ACAN: variants seen among roughly 807,000 people sequenced by gnomAD.
ACAN encodes the protein aggrecan core protein.
Under a neutral mutation model 169.1 loss-of-function variants are expected in ACAN, and 47 were observed. The observed-to-expected ratio is 0.28, with a 90% confidence interval of 0.22 to 0.35. The LOEUF is 0.35. Among genes scored for constraint, ACAN ranks in the 10% least tolerant of loss-of-function variants. ACAN has a pLI of 1.00. For synonymous variants in ACAN, 1,115 were observed against 1,112.2 expected (o/e 1.00, Z -0.05); for missense variants, 2,716 against 2,759.9 (o/e 0.98, Z 0.36).
intron 4 of ACAN, among the ~76,000 whole-genome samples, 153 bp downstream of exon 4, chr15:88,840,339 A>G (rs1896620854): frequency 6.6e-6 from 1 of 152,178 alleles, no homozygotes; most frequent in Non-Finnish European, 1.5e-5. Flanking sequence ...ACCTTGGCCA[A>G]ACAGCAGCTC....
chr15:88,820,495 C>T (rs1896049265), intron 1 of ACAN, among the ~76,000 whole-genome samples: 2 of 152,180 alleles, frequency 1.3e-5, no homozygotes, highest in Admixed American at 1.3e-4. Flanking sequence ...CAGAATCTGG[C>T]CCCACTTTGT....
chr15:88,873,596 C>T lies in ACAN; in HGVS notation c.7448-246C>T, dbSNP rs971536393. The T allele has an allele frequency of 3.7e-6, 2 of 544,386 alleles. No individual in the cohort carries two copies. The highest frequency in any genetic ancestry group is 3.8e-5 in the African/African-American group (2 of 53,186). The allele number at this position is 544,386 out of a possible 1,614,324, so 33.7% of individuals were successfully genotyped here. ...TCTCGCCCTCCACACCTTTCTACCT[C>T]CCTTTCATCTTCTCTTCATCCCTTT... On this transcript the variant is annotated intron_variant, in intron 17 of 18. Coordinates refer to ENST00000560601, the MANE Select transcript of ACAN (RefSeq NM_001369268.1). This position sits in a 1 kb window ranked among gnomAD's most constrained non-coding sequence, Gnocchi z 7.5.
At chr15:88,830,786 C>T (rs968777230) in intron 1 of ACAN, among the ~76,000 whole-genome samples, 1 of 152,278 alleles carries the variant, frequency 6.6e-6, no homozygotes, top group East Asian at 1.9e-4. Flanking sequence ...CATTATTGTA[C>T]ACTGGTGTAG....
chr15:88,821,256 C>G (rs2141517153), intron 1 of ACAN, among the ~76,000 whole-genome samples: 1 of 152,298 alleles, frequency 6.6e-6, no homozygotes, highest in East Asian at 1.9e-4. Context: ...CCTCCTACCT[C>G]AGCCTCCCGA....
At chr15:88,817,731 A>G (rs1329334163) in intron 1 of ACAN, among the ~76,000 whole-genome samples, 2 of 151,424 alleles carry the variant, frequency 1.3e-5, no homozygotes, top group African/African-American at 2.4e-5. Context: ...GTGCATGCCT[A>G]TAGTCCCAGC....
chr15:88,806,152 T>C (rs1355981277), intron 1 of ACAN, among the ~76,000 whole-genome samples: 3 of 152,134 alleles, frequency 2.0e-5, no homozygotes, highest in Non-Finnish European at 4.4e-5. Flanking sequence ...GAGAAAATCC[T>C]CCGATAAGAG....
At position 88,851,019 on chromosome 15, in the gene ACAN, G is replaced by A. The variant is rs1896918588; in HGVS notation, c.2027-775G>A. On this transcript the variant is annotated intron_variant, in intron 10 of 18. Transcript: ENST00000560601. The surrounding 1 kb of genome is among the most constrained non-coding windows in gnomAD (Gnocchi z 4.3). ...CCAATTCTCTCCCAGAGGCTTTGAT[G>A]AGGCTCTTGTCCCAGTGCCCCTTCC... 2 of 151,420 alleles carry A rather than the reference G, an allele frequency of 1.3e-5. No individual in the cohort carries two copies. Among genetic ancestry groups the A allele is most frequent in the Admixed American group, 6.6e-5 (1 of 15,200 alleles). The allele number at this position is 151,420 out of a possible 1,614,324, so 9.4% of individuals were successfully genotyped here. A position where few individuals can be genotyped will look rare whatever the true frequency, so the allele number is the denominator to read the frequency against.
chr15:88,829,491 A>G (rs967912774), intron 1 of ACAN, among the ~76,000 whole-genome samples: 2 of 152,144 alleles, frequency 1.3e-5, no homozygotes, highest in Non-Finnish European at 2.9e-5. Context: ...CTCTTGGTGT[A>G]GGGTCCCTGG....
intron 1 of ACAN, among the ~76,000 whole-genome samples, chr15:88,835,753 A>G (rs572163581): frequency 3.0e-4 from 46 of 152,354 alleles, no homozygotes; most frequent in African/African-American, 1.1e-3. Context: ...TCAGTCTTCA[A>G]CTGATTGGAC....
intron 1 of ACAN, among the ~76,000 whole-genome samples, chr15:88,815,656 T>TAAAAAAAA (rs58267198): frequency 6.6e-4 from 36 of 54,206 alleles, no homozygotes; most frequent in African/African-American, 2.9e-3. Context: ...CTGCACTGAT[T>TAAAAAAAA]AAAAAAAAAA....
At chr15:88,818,194 A>G (rs1267571792) in intron 1 of ACAN, among the ~76,000 whole-genome samples, 1 of 152,218 alleles carries the variant, frequency 6.6e-6, no homozygotes, top group Non-Finnish European at 1.5e-5. Flanking sequence ...CCCACAGTCT[A>G]GGTAGGAGAG....
intron 1 of ACAN, among the ~76,000 whole-genome samples, chr15:88,808,580 A>G (rs1490036862): frequency 6.6e-6 from 1 of 151,972 alleles, no homozygotes; most frequent in Non-Finnish European, 1.5e-5. Flanking sequence ...CCCGGGGAAC[A>G]TTTGGCCATG....
At chr15:88,810,926 C>T (rs2141490935) in intron 1 of ACAN, among the ~76,000 whole-genome samples, 1 of 152,330 alleles carries the variant, frequency 6.6e-6, no homozygotes, top group African/African-American at 2.4e-5. Context: ...GATCTTCTCT[C>T]TAGCCCTGCC....
In ACAN at chr15:88,857,564, C is replaced by A. The variant is rs1223935840; in HGVS notation, c.4979C>A (p.Ser1660Tyr). 6.2e-7 allele frequency: 1 copy of A among 1,613,936 alleles called. No homozygotes were observed. The highest frequency in any genetic ancestry group is 8.5e-7 in the Non-Finnish European group (1 of 1,179,892). ...CTTCCATCTGGATTCCCAACTGTTTCCCTAGTGGATTCTACATTGGTGGAA... is the reference window on the plus strand; with the variant it reads ...CTTCCATCTGGATTCCCAACTGTTTACCTAGTGGATTCTACATTGGTGGAA... Reference protein sequence around the residue: ...SGLPSGFPTVSLVDSTLVEVV... With the variant: ...SGLPSGFPTVYLVDSTLVEVV... Residue 1660 changes from serine to tyrosine, a missense_variant, in exon 12 of 19, where the codon TCC becomes TAC. Ser to Tyr is a moderately radical substitution (Grantham distance 144). Coordinates refer to ENST00000560601, the MANE Select transcript of ACAN (RefSeq NM_001369268.1).
At position 88,851,945 on chromosome 15, in the gene ACAN, T is replaced by C. The variant is rs760549529; in HGVS notation, c.2178T>C (p.Thr726=). Reference sequence around the variant, plus strand: ...CAACTGCTGTACCCTCAGGGGAGACTACTGCCATCCTAGAGTTCACCACCG... The same window carrying C: ...CAACTGCTGTACCCTCAGGGGAGACCACTGCCATCCTAGAGTTCACCACCG... ...EETTAVPSGE[T]TAILEFTTEP... Residue 726 remains threonine, a synonymous_variant, in exon 11 of 19, where the codon ACT becomes ACC. Transcript: ENST00000560601. The surrounding 1 kb of genome is among the most constrained non-coding windows in gnomAD (Gnocchi z 4.3). 7 of 1,612,696 alleles carry C rather than the reference T, an allele frequency of 4.3e-6. No homozygotes were observed. The highest frequency in any genetic ancestry group is 1.6e-4 in the Middle Eastern group (1 of 6,080).
At chr15:88,815,693 G>A (rs964204364) in intron 1 of ACAN, among the ~76,000 whole-genome samples, 5 of 138,508 alleles carry the variant, frequency 3.6e-5, no homozygotes, top group Non-Finnish European at 1.5e-5. Context: ...AGGAGCCATT[G>A]AGATCAGACA....
chr15:88,865,291 G>C (rs544872895), intron 13 of ACAN, among the ~76,000 whole-genome samples: 1 of 152,002 alleles, frequency 6.6e-6, no homozygotes, highest in East Asian at 1.9e-4. Flanking sequence ...TGACAGTCCA[G>C]GACTCCAGTG....
chr15:88,843,330 A>G lies in ACAN; in HGVS notation c.758-25A>G, dbSNP rs745609138. ...CAGGGGGAGGGGGGAGAAGACCCTT[A>G]CCCAGCTGGCTGTGTCCTTCACAGG... is the stretch of plus-strand genomic sequence containing the variant. On this transcript the variant is annotated intron_variant, in intron 5 of 18. Transcript: ENST00000560601. The surrounding 1 kb of genome is among the most constrained non-coding windows in gnomAD (Gnocchi z 4.0). 6 of 1,541,310 alleles carry G rather than the reference A, an allele frequency of 3.9e-6. No homozygotes were observed. The South Asian group carries it at 7.5e-5, about 19-fold the overall frequency.
intron 13 of ACAN, among the ~76,000 whole-genome samples, chr15:88,867,347 GT>G (rs1897295956): frequency 2.0e-5 from 3 of 152,232 alleles, no homozygotes; most frequent in African/African-American, 7.2e-5. Context: ...GGATGGGGAT[GT>G]GCCTGTATCC....
Sources: gnomAD v4.1 joint callset for allele counts (sites outside exome capture counted in the v4.1 genomes callset) on GRCh38, gnomAD v4.1.1 for gene constraint, Gnocchi (gnomAD v3.1) non-coding constraint, MANE v1.5 for transcripts, NCBI Gene and HGNC (gene_info 2026-07-23, HGNC 2026-07-21) for gene names.